OMA1: variants seen among roughly 807,000 people sequenced by gnomAD.
OMA1 encodes the protein metalloendopeptidase OMA1, mitochondrial.
A neutral mutation model predicts 30.9 loss-of-function variants in OMA1; 38 were observed. The observed-to-expected ratio is 1.23, with a 90% CI of 0.95 to 1.61. OMA1 has a LOEUF of 1.61. Among genes scored for constraint, OMA1 ranks in the 40% most tolerant of loss-of-function variants. OMA1 has a pLI of 0.00. For synonymous variants in OMA1, 173 were observed against 121.9 expected (o/e 1.42, Z -2.76); for missense variants, 461 against 349.2 (o/e 1.32, Z -2.55).
In OMA1 at chr1:58,527,335, A is replaced by G. The variant is rs776954304; in HGVS notation, c.1141T>C (p.Tyr381His). 1.1e-6 allele frequency: 1 copy of G among 871,644 alleles called. No individual in the cohort carries two copies. The highest frequency in any genetic ancestry group is 1.3e-5 in the South Asian group (1 of 76,476). The allele number at this position is 871,644 out of a possible 1,614,324, so 54.0% of individuals were successfully genotyped here. A position where few individuals can be genotyped will look rare whatever the true frequency, so the allele number is the denominator to read the frequency against. The change falls in exon 7 of 9, where the codon TAT (tyrosine) becomes CAT (histidine). Residue 381 changes from tyrosine to histidine, a missense_variant and splice_region_variant. Coordinates refer to ENST00000371226, the MANE Select transcript of OMA1 (RefSeq NM_145243.5). Reference protein sequence around the residue: ...CQWIQSKLQEYMFNRPYSRKL... With the variant: ...CQWIQSKLQEHMFNRPYSRKL... ...CTGCTGTATGGTCTATTAAACATAT[A>G]CTAAGAAGAAATGACAGAAAAGCTC... is the stretch of plus-strand genomic sequence containing the variant.
chr1:58,499,493 GATA>G (rs1557442530), intron 8 of OMA1, among the ~76,000 whole-genome samples: 2 of 149,554 alleles, frequency 1.3e-5, no homozygotes, highest in East Asian at 3.9e-4. Flanking sequence ...TAGATAGATA[GATA>G]GATAGATAGA....
intron 7 of OMA1, among the ~76,000 whole-genome samples, chr1:58,518,090 G>A (rs1203461867): frequency 6.6e-6 from 1 of 151,042 alleles, no homozygotes; most frequent in African/African-American, 2.4e-5. Context: ...GGAGGCTGAG[G>A]CAGGAGAATC....
chr1:58,544,534 G>A (rs7550981), intron 1 of OMA1, among the ~76,000 whole-genome samples: 148,985 of 152,338 alleles, frequency 0.98, 72,938 homozygotes, highest in East Asian at 1. Flanking sequence ...AAATTTCTAC[G>A]GGATGTATTA....
At chr1:58,521,392 T>C (rs1424751484) in intron 7 of OMA1, among the ~76,000 whole-genome samples, 2 of 149,416 alleles carry the variant, frequency 1.3e-5, no homozygotes, top group Non-Finnish European at 3.0e-5. Flanking sequence ...AAGAACCACA[T>C]ATGAAACCCA....
At chr1:58,486,265 C>T (rs1645574356) in intron 8 of OMA1, among the ~76,000 whole-genome samples, 1 of 152,150 alleles carries the variant, frequency 6.6e-6, no homozygotes. Context: ...ATATTGCTAT[C>T]CTGATTTCAC....
chr1:58,486,245 C>T (rs1011211558), intron 8 of OMA1, among the ~76,000 whole-genome samples: 2 of 152,212 alleles, frequency 1.3e-5, no homozygotes, highest in African/African-American at 4.8e-5. Flanking sequence ...GTACATCCAA[C>T]ATCTAGGAGA....
intron 7 of OMA1, among the ~76,000 whole-genome samples, chr1:58,516,954 G>A (rs942897625): frequency 1.3e-5 from 2 of 152,148 alleles, no homozygotes; most frequent in African/African-American, 4.8e-5. Flanking sequence ...CTAGGAAGGA[G>A]AGAATTAGGA....
At chr1:58,535,468 C>T (rs562724515) in intron 3 of OMA1, among the ~76,000 whole-genome samples, 7 of 151,852 alleles carry the variant, frequency 4.6e-5, no homozygotes, top group Admixed American at 2.6e-4. Context: ...TGGTGGCGCA[C>T]GCCTGTAGTC....
chr1:58,525,481 G>A (rs1646334960), intron 7 of OMA1, among the ~76,000 whole-genome samples: 2 of 151,962 alleles, frequency 1.3e-5, no homozygotes, highest in East Asian at 1.9e-4. Flanking sequence ...TATTTATCAT[G>A]ACATCAAACA....
intron 8 of OMA1, among the ~76,000 whole-genome samples, chr1:58,497,859 G>A (rs1645830914): frequency 6.6e-6 from 1 of 152,084 alleles, no homozygotes; most frequent in African/African-American, 2.4e-5. Flanking sequence ...GTTGAAGATG[G>A]TATTTACACC....
At chr1:58,499,477 T>TAGATAGATAGATAG (rs1553122687) in intron 8 of OMA1, among the ~76,000 whole-genome samples, 6 of 143,662 alleles carry the variant, frequency 4.2e-5, no homozygotes, top group East Asian at 4.0e-4. Flanking sequence ...AAAGCCAGAC[T>TAGATAGATAGATAG]ATAGATAGAT....
rs929551118 is a variant in OMA1, at chr1:58,493,998, T to C, written c.1365+12062A>G. On this transcript the variant is annotated intron_variant, in intron 8 of 8. Coordinates refer to ENST00000371226, the MANE Select transcript of OMA1 (RefSeq NM_145243.5). ...AAAAAGAACAAAGCTGGAGGCATCATGCTACCTGACTTCAAACTATACTAC... is the reference window on the plus strand; with the variant it reads ...AAAAAGAACAAAGCTGGAGGCATCACGCTACCTGACTTCAAACTATACTAC... 2.7e-5 allele frequency among the ~76,000 whole-genome samples: 4 copies of C among 147,212 alleles called. No individual in the cohort carries two copies. The South Asian group carries it at 6.5e-4, about 24-fold the overall frequency.
chr1:58,517,100 T>C (rs891778028), intron 7 of OMA1, among the ~76,000 whole-genome samples: 2 of 152,200 alleles, frequency 1.3e-5, no homozygotes, highest in South Asian at 2.1e-4. Context: ...AACTCTTTGA[T>C]GGAAGTACTA....
chr1:58,545,860 C>T (rs548356422), intron 1 of OMA1, among the ~76,000 whole-genome samples: 2 of 152,200 alleles, frequency 1.3e-5, no homozygotes, highest in African/African-American at 4.8e-5. Flanking sequence ...TGATGGAAGG[C>T]TTTAAAAAAG....
intron 8 of OMA1, among the ~76,000 whole-genome samples, chr1:58,481,633 G>C (rs1645484009): frequency 6.6e-6 from 1 of 152,136 alleles, no homozygotes; most frequent in Admixed American, 6.5e-5. Flanking sequence ...TAATAACCTA[G>C]TGATATGGTT....
chr1:58,521,231 C>T (rs1359459673), intron 7 of OMA1, among the ~76,000 whole-genome samples: 1 of 151,698 alleles, frequency 6.6e-6, no homozygotes, highest in Non-Finnish European at 1.5e-5. Flanking sequence ...AACAAGAATA[C>T]ATTTTAAACT....
chr1:58,484,458 GAGTTATTCAC>G (rs1272115179), intron 8 of OMA1, among the ~76,000 whole-genome samples: 3 of 152,124 alleles, frequency 2.0e-5, no homozygotes, highest in Admixed American at 1.3e-4. Flanking sequence ...AGGCATACTT[GAGTTATTCAC>G]AGTTATTCAC....
intron 8 of OMA1, among the ~76,000 whole-genome samples, chr1:58,487,175 G>A (rs959529034): frequency 1.1e-4 from 16 of 152,354 alleles, no homozygotes; most frequent in African/African-American, 3.4e-4. Context: ...TAGGAAAGGA[G>A]CAGTGGCGAA....
At chr1:58,509,156 G>T (rs1282251323) in intron 7 of OMA1, among the ~76,000 whole-genome samples, 2 of 150,464 alleles carry the variant, frequency 1.3e-5, no homozygotes, top group Non-Finnish European at 3.0e-5. Flanking sequence ...CAATAAGAGT[G>T]AAAAAAATAA....
Sources: gnomAD v4.1 joint callset for allele counts (sites outside exome capture counted in the v4.1 genomes callset) on GRCh38, gnomAD v4.1.1 for gene constraint, MANE v1.5 for transcripts, NCBI Gene and HGNC (gene_info 2026-07-23, HGNC 2026-07-21) for gene names.